Variants in EYS observed in about 807,000 individuals in gnomAD.
EYS encodes the protein EGF-like photoreceptor maintenance factor, also known as protein eyes shut homolog.
Under a neutral mutation model 282.1 loss-of-function variants are expected in EYS, and 250 were observed. The observed-to-expected ratio is 0.89, with a 90% CI of 0.80 to 0.98. EYS has a LOEUF of 0.98. Among genes scored for constraint, EYS ranks in the 50% least tolerant of loss-of-function variants. EYS has a pLI of 0.00. For missense variants in EYS, 4,016 were observed against 3,709.0 expected (o/e 1.08, Z -2.15); for synonymous variants, 1,355 against 1,282.9 (o/e 1.06, Z -1.20).
chr6:63,725,745 A>G (rs1006203578), intron 42 of EYS, among the ~76,000 whole-genome samples: 5 of 152,176 alleles, frequency 3.3e-5, no homozygotes, highest in Non-Finnish European at 5.9e-5. Flanking sequence ...AGACACTTCT[A>G]TAAGAACTAC....
rs968863830 is a variant in EYS at position 65,606,206 on chromosome 6, A to G, written c.-333+33572T>C. Among the ~76,000 whole-genome samples the G allele has an allele frequency of 4.7e-5, 7 of 149,876 alleles. No individual in the cohort carries two copies. The South Asian group carries it at 1.5e-3, about 32-fold the overall frequency. On this transcript the variant is annotated intron_variant, in intron 2 of 42. Transcript: ENST00000503581. ...TCCACATATTTACAACCAGTATTCA[A>G]AAATAGTTTTAAAAATATGTTTAAC... is the stretch of plus-strand genomic sequence containing the variant.
intron 1 of EYS, among the ~76,000 whole-genome samples, chr6:65,702,453 G>A: frequency 6.6e-6 from 1 of 152,120 alleles, no homozygotes; most frequent in East Asian, 1.9e-4. Flanking sequence ...GCATTTTGGG[G>A]GACCCAGGTG....
At chr6:65,350,514 CTA>C (rs1770558240) in intron 9 of EYS, among the ~76,000 whole-genome samples, 1 of 151,460 alleles carries the variant, frequency 6.6e-6, no homozygotes, top group African/African-American at 2.4e-5. Context: ...TGTTTTAACT[CTA>C]TGTTTAACTT....
chr6:64,291,404 A>G (rs1328690862), intron 30 of EYS, among the ~76,000 whole-genome samples: 2 of 152,058 alleles, frequency 1.3e-5, no homozygotes, highest in Non-Finnish European at 2.9e-5. Flanking sequence ...TATAAGTAAA[A>G]CAACTATATT....
chr6:65,376,849 A>T (rs1277115800), intron 8 of EYS, among the ~76,000 whole-genome samples: 1 of 152,152 alleles, frequency 6.6e-6, no homozygotes. Context: ...TGCACCCAAT[A>T]CAAAAGTGCC....
At chr6:64,677,251 C>G (rs950263628) in intron 22 of EYS, among the ~76,000 whole-genome samples, 4 of 151,952 alleles carry the variant, frequency 2.6e-5, no homozygotes, top group African/African-American at 9.7e-5. Flanking sequence ...TATTTTTTAA[C>G]CAGGATGCAA....
intron 26 of EYS, among the ~76,000 whole-genome samples, chr6:64,566,031 C>A (rs1398972112): frequency 6.6e-6 from 1 of 150,384 alleles, no homozygotes; most frequent in Non-Finnish European, 1.5e-5. Flanking sequence ...TGCAAGAAAT[C>A]TGGTTTCACA....
At chr6:64,934,935 CATAATT>C (rs1056966672) in intron 15 of EYS, among the ~76,000 whole-genome samples, 85 of 151,592 alleles carry the variant, frequency 5.6e-4, no homozygotes, top group African/African-American at 2.0e-3. Flanking sequence ...AGCATAAAAC[CATAATT>C]ATAACAGTTT....
rs71551553 is a variant in EYS at position 64,000,168 on chromosome 6, C to CTTTTTTTTTTTTTTTTTT, written c.6726-1003_6726-986dup. On this transcript the variant is annotated intron_variant, in intron 33 of 42. Transcript: ENST00000503581. Reference sequence around the variant, plus strand: ...CTGAGGAGTTTCCCAAGACATGGGACTTTTTTTTTTTTTTTTTTTTTTTTT... The same window carrying CTTTTTTTTTTTTTTTTTT: ...CTGAGGAGTTTCCCAAGACATGGGACTTTTTTTTTTTTTTTTTTTTTTTTTTTTTTTTTTTTTTTTTTT... 7.0e-5 allele frequency among the ~76,000 whole-genome samples: 3 copies of CTTTTTTTTTTTTTTTTTT among 42,716 alleles called. 1 individual carries two copies. Among genetic ancestry groups the CTTTTTTTTTTTTTTTTTT allele is most frequent in the Admixed American group, 3.2e-4 (1 of 3,084 alleles). 28.0% of individuals were successfully genotyped at this position (42,716 alleles called of 152,430 possible).
At chr6:64,122,590 T>C (rs560064720) in intron 31 of EYS, among the ~76,000 whole-genome samples, 8 of 152,306 alleles carry the variant, frequency 5.3e-5, no homozygotes, top group African/African-American at 1.9e-4. Context: ...TTTGATAAGA[T>C]GCTTCACCAA....
intron 5 of EYS, among the ~76,000 whole-genome samples, chr6:65,445,013 A>T (rs1768598041): frequency 6.6e-6 from 1 of 151,890 alleles, no homozygotes; most frequent in African/African-American, 2.4e-5. Context: ...TTTCTCGATT[A>T]ATCTGACAAA....
intron 37 of EYS, among the ~76,000 whole-genome samples, chr6:63,804,517 A>G (rs1395709125): frequency 6.6e-6 from 1 of 152,206 alleles, no homozygotes; most frequent in African/African-American, 2.4e-5. Flanking sequence ...TGCTCCCTTG[A>G]CCACTATGAT....
chr6:64,252,745 C>G (rs1582488537), intron 30 of EYS, among the ~76,000 whole-genome samples: 1 of 152,128 alleles, frequency 6.6e-6, no homozygotes, highest in Non-Finnish European at 1.5e-5. Flanking sequence ...GTTTAAGAAG[C>G]TTTGCCTGAC....
At chr6:64,759,061 C>A (rs1268995912) in intron 22 of EYS, among the ~76,000 whole-genome samples, 1 of 152,102 alleles carries the variant, frequency 6.6e-6, no homozygotes, top group Admixed American at 6.5e-5. Context: ...ATGGCGTGAA[C>A]CCGGGAGGCG....
intron 22 of EYS, among the ~76,000 whole-genome samples, chr6:64,808,071 T>C (rs1393643825): frequency 2.1e-5 from 3 of 144,156 alleles, no homozygotes; most frequent in Non-Finnish European, 4.6e-5. Context: ...TTCCCTTTCT[T>C]TCCCTTCCCT....
intron 2 of EYS, among the ~76,000 whole-genome samples, chr6:65,574,883 A>T (rs1271552266): frequency 2.6e-5 from 4 of 152,210 alleles, no homozygotes; most frequent in African/African-American, 9.6e-5. Flanking sequence ...AAGAAGTCTT[A>T]ACAAATTTAA....
intron 33 of EYS, among the ~76,000 whole-genome samples, chr6:64,032,742 C>T (rs1161010756): frequency 6.6e-6 from 1 of 152,180 alleles, no homozygotes; most frequent in African/African-American, 2.4e-5. Flanking sequence ...CTTACTAATA[C>T]TGGATTATAA....
At chr6:63,893,700 A>T (rs1197082361) in intron 35 of EYS, among the ~76,000 whole-genome samples, 1 of 152,190 alleles carries the variant, frequency 6.6e-6, no homozygotes, top group Non-Finnish European at 1.5e-5. Flanking sequence ...CTGCACATGT[A>T]TCCCAGAACT....
chr6:64,309,363 A>G (rs1397161958), intron 29 of EYS, among the ~76,000 whole-genome samples: 1 of 152,248 alleles, frequency 6.6e-6, no homozygotes. Flanking sequence ...TGAATTAAAA[A>G]TGCATATTAA....
Sources: gnomAD v4.1 joint callset for allele counts (sites outside exome capture counted in the v4.1 genomes callset) on GRCh38, gnomAD v4.1.1 for gene constraint, MANE v1.5 for transcripts, NCBI Gene and HGNC (gene_info 2026-07-23, HGNC 2026-07-21) for gene names.